Variants in FBXO42 observed in about 807,000 individuals in gnomAD.
FBXO42 encodes F-box protein 42.
Under a neutral mutation model 71.7 loss-of-function variants are expected in FBXO42, and 12 were observed. The ratio of observed to expected loss-of-function variants is 0.17; its 90% CI spans 0.11 to 0.27. The LOEUF (loss-of-function observed/expected upper bound fraction) is 0.27, where lower values mean the gene tolerates loss of function less well. Among genes scored for constraint, FBXO42 ranks in the 10% least tolerant of loss-of-function variants. The pLI is 1.00. For synonymous variants in FBXO42, 325 were observed against 327.5 expected, an observed-to-expected ratio of 0.99 and a Z score of 0.08; for missense variants, 707 against 911.9, an observed-to-expected ratio of 0.78 and a Z score of 2.89.
intron 4 of FBXO42, among the ~76,000 whole-genome samples, chr1:16,263,329 T>C (rs1341553721): frequency 6.6e-6 from 1 of 151,888 alleles, no homozygotes; most frequent in Non-Finnish European, 1.5e-5. Context: ...TGCCTTGTAG[T>C]CCCAGCTACT....
At chr1:16,308,932 G>A (rs552086838) in intron 2 of FBXO42, among the ~76,000 whole-genome samples, 14 of 150,184 alleles carry the variant, frequency 9.3e-5, no homozygotes, top group South Asian at 4.2e-4. Context: ...TAGTAGAGAC[G>A]GGGTTTCACC....
rs1330763173 is a variant in FBXO42, at chr1:16,283,506, T to TGTTTTTTTTTTTG, written c.502+11276_502+11277insCAAAAAAAAAAAC. ...CTAACTGTGGCAAGTTTTTTTTTTT[T>TGTTTTTTTTTTTG]TTTTTTTTTTTGAGACAGTCTCGCT... On this transcript the variant is annotated intron_variant, in intron 4 of 9. Transcript: ENST00000375592. Among the ~76,000 whole-genome samples the TGTTTTTTTTTTTG allele has an allele frequency of 8.8e-5, 12 of 135,904 alleles. 1 individual carries two copies. Among genetic ancestry groups the TGTTTTTTTTTTTG allele is most frequent in the Admixed American group, 5.9e-4 (8 of 13,636 alleles). 89.2% of individuals were successfully genotyped at this position (135,904 alleles called of 152,430 possible).
intron 1 of FBXO42, among the ~76,000 whole-genome samples, chr1:16,339,012 T>C (rs1484077288): frequency 2.0e-5 from 3 of 152,008 alleles, no homozygotes; most frequent in African/African-American, 7.2e-5. Flanking sequence ...GGTTTCACCA[T>C]GTTGGCCAGG....
At chr1:16,261,346 T>C (rs1353164434) in intron 4 of FBXO42, among the ~76,000 whole-genome samples, 2 of 152,188 alleles carry the variant, frequency 1.3e-5, no homozygotes, top group Non-Finnish European at 2.9e-5. Flanking sequence ...CCTCTAGGAT[T>C]ATCTTAGGTA....
intron 1 of FBXO42, among the ~76,000 whole-genome samples, chr1:16,329,489 C>G (rs2082477974): frequency 6.6e-6 from 1 of 151,798 alleles, no homozygotes; most frequent in African/African-American, 2.4e-5. Flanking sequence ...GAGGCTGAGG[C>G]AAGAGAACTG....
chr1:16,278,094 T>A (rs1321977894), intron 4 of FBXO42, among the ~76,000 whole-genome samples: 1 of 151,264 alleles, frequency 6.6e-6, no homozygotes, highest in East Asian at 2.0e-4. Context: ...TGGTGGCTCA[T>A]GCCTGTAATC....
chr1:16,320,325 C>T (rs1017181695), intron 1 of FBXO42, among the ~76,000 whole-genome samples: 2 of 143,424 alleles, frequency 1.4e-5, no homozygotes, highest in African/African-American at 2.6e-5. Context: ...CATGCCACCG[C>T]ACTCTAGCCT....
At chr1:16,304,207 C>G (rs932795530) in intron 3 of FBXO42, among the ~76,000 whole-genome samples, 1 of 151,850 alleles carries the variant, frequency 6.6e-6, no homozygotes, top group African/African-American at 2.4e-5. Context: ...ACCTCCGCCT[C>G]CCAGGTTCAA....
chr1:16,307,028 A>T (rs1430391689), intron 2 of FBXO42, among the ~76,000 whole-genome samples: 1 of 152,020 alleles, frequency 6.6e-6, no homozygotes, highest in Non-Finnish European at 1.5e-5. Flanking sequence ...AGTAGCTGGG[A>T]TTACAGACAT....
intron 4 of FBXO42, among the ~76,000 whole-genome samples, chr1:16,265,858 G>GC (rs779598079): frequency 6.6e-6 from 1 of 151,724 alleles, no homozygotes; most frequent in Non-Finnish European, 1.5e-5. Flanking sequence ...TCCCTGATCT[G>GC]CATACTACAC....
chr1:16,299,675 C>T (rs958575264), intron 3 of FBXO42, among the ~76,000 whole-genome samples: 5 of 151,834 alleles, frequency 3.3e-5, no homozygotes, highest in Admixed American at 6.6e-5. Flanking sequence ...GATGGAGTCT[C>T]GCTCTGTCAC....
chr1:16,332,084 T>C (rs950370213), intron 1 of FBXO42, among the ~76,000 whole-genome samples: 2 of 151,976 alleles, frequency 1.3e-5, no homozygotes, highest in African/African-American at 4.8e-5. Flanking sequence ...GTATATGATA[T>C]CAGTTGCTGG....
chr1:16,344,273 C>CT (rs1294230700), intron 1 of FBXO42, among the ~76,000 whole-genome samples: 1 of 150,980 alleles, frequency 6.6e-6, no homozygotes, highest in African/African-American at 2.4e-5. Flanking sequence ...GCTGGGATTA[C>CT]TTTAAGTTAG....
chr1:16,316,508 G>A (rs534861773), intron 1 of FBXO42, among the ~76,000 whole-genome samples: 42 of 151,978 alleles, frequency 2.8e-4, no homozygotes, highest in African/African-American at 7.2e-4. Context: ...TTCTGAGGCC[G>A]GCAGATCACC....
chr1:16,271,743 A>C (rs1234695625), intron 4 of FBXO42, among the ~76,000 whole-genome samples: 1 of 151,994 alleles, frequency 6.6e-6, no homozygotes, highest in Non-Finnish European at 1.5e-5. Context: ...TTACCACATA[A>C]GTGTTTGGTT....
intron 3 of FBXO42, among the ~76,000 whole-genome samples, chr1:16,303,018 G>A (rs565315005): frequency 4.6e-5 from 7 of 152,030 alleles, no homozygotes; most frequent in Non-Finnish European, 8.8e-5. Flanking sequence ...TCAGGGGTTC[G>A]AGACCAGTCT....
intron 3 of FBXO42, 68 bp downstream of exon 3, chr1:16,305,735 C>G: frequency 2.3e-6 from 3 of 1,332,622 alleles, no homozygotes; most frequent in Non-Finnish European, 3.2e-6. Context: ...AAAAAACATG[C>G]CACCAAACAA....
chr1:16,316,730 C>CAAAAAAAAAAAAA (rs71003274), intron 1 of FBXO42, among the ~76,000 whole-genome samples: 4 of 51,570 alleles, frequency 7.8e-5, no homozygotes, highest in Admixed American at 2.6e-4. Flanking sequence ...GAAAGACTCT[C>CAAAAAAAAAAAAA]AAAAAAAAAA....
intron 6 of FBXO42, among the ~76,000 whole-genome samples, chr1:16,254,767 G>A (rs535797887): frequency 3.7e-4 from 56 of 152,316 alleles, no homozygotes; most frequent in South Asian, 6.2e-4. Context: ...GAATCAGACA[G>A]TGATACAGAT....
Sources: gnomAD v4.1 joint callset for allele counts (sites outside exome capture counted in the v4.1 genomes callset) on GRCh38, gnomAD v4.1.1 for gene constraint, MANE v1.5 for transcripts, NCBI Gene and HGNC (gene_info 2026-07-23, HGNC 2026-07-21) for gene names.